CFAP52: variants seen among roughly 807,000 people sequenced by gnomAD.
The protein encoded by CFAP52 is cilia and flagella associated protein 52.
A neutral mutation model predicts 70.5 loss-of-function variants in CFAP52; 57 were observed. That is an observed-to-expected ratio of 0.81 (90% CI 0.65 to 1.01). The LOEUF (loss-of-function observed/expected upper bound fraction) is 1.01. Among genes scored for constraint, CFAP52 ranks in the 50% least tolerant of loss-of-function variants. The pLI is 0.00. For synonymous variants in CFAP52, 267 were observed against 292.5 expected, an observed-to-expected ratio of 0.91 and a Z score of 0.89; for missense variants, 785 against 788.5, an observed-to-expected ratio of 1.00 and a Z score of 0.05.
Position 9,594,214 on chromosome 17 carries a change from C to T in CFAP52, c.429C>T (p.Ala143=), listed in dbSNP as rs755039224. The T allele has an allele frequency of 8.1e-6, 13 of 1,613,256 alleles. No individual in the cohort carries two copies. In the South Asian group the frequency reaches 1.3e-4, roughly 16 times the overall value. ...DDGSVVVWSI[A]KRDAICGSPA... Reference sequence around the variant, plus strand: ...GCAGTGTGGTGGTGTGGAGCATAGCCAAGAGAGATGCCATCTGTGGCAGCC... The same window carrying T: ...GCAGTGTGGTGGTGTGGAGCATAGCTAAGAGAGATGCCATCTGTGGCAGCC... The change falls in exon 4 of 14, where the codon GCC becomes GCT. Residue 143 remains alanine (A), a synonymous_variant. Coordinates refer to ENST00000352665, the MANE Select transcript of CFAP52 (RefSeq NM_145054.5).
At chr17:9,645,349 A>C (rs1911281465), downstream of CFAP52, 1 of 235,600 alleles carries the variant, frequency 4.2e-6, no homozygotes, top group Non-Finnish European at 8.1e-6. This position sits in a 1 kb window ranked among gnomAD's most constrained non-coding sequence, Gnocchi z 6.8. Flanking sequence ...CGAGGTAAGG[A>C]AGGGTGGGGA....
intron 4 of CFAP52, among the ~76,000 whole-genome samples, chr17:9,597,340 A>G (rs905259078): frequency 2.0e-5 from 3 of 152,188 alleles, no homozygotes; most frequent in Middle Eastern, 3.2e-3. Context: ...AATATATTGT[A>G]TACTTGAAAA....
intron 1 of CFAP52, among the ~76,000 whole-genome samples, chr17:9,581,941 G>A (rs1339135354): frequency 1.3e-5 from 2 of 152,132 alleles, no homozygotes; most frequent in Admixed American, 6.5e-5. Context: ...ACTTGGTCTC[G>A]CCTTGCTATT....
chr17:9,635,781 C>CAG (rs1910748576), intron 11 of CFAP52, among the ~76,000 whole-genome samples: 1 of 152,132 alleles, frequency 6.6e-6, no homozygotes, highest in East Asian at 1.9e-4. Flanking sequence ...AGTTTCTGGG[C>CAG]AGATAGGGAA....
At chr17:9,644,849 CCTCT>C (rs1336692713), downstream of CFAP52, 1 of 152,168 alleles carries the variant, frequency 6.6e-6, no homozygotes, top group Non-Finnish European at 1.5e-5. Context: ...GTTGCGATAA[CCTCT>C]CTGAGCCCCC....
chr17:9,609,931 G>A (rs1360652140), intron 7 of CFAP52, among the ~76,000 whole-genome samples: 1 of 152,066 alleles, frequency 6.6e-6, no homozygotes, highest in Non-Finnish European at 1.5e-5. Context: ...TTCATCAGGA[G>A]CCTGGTGCCT....
intron 8 of CFAP52, among the ~76,000 whole-genome samples, chr17:9,623,241 T>C (rs1910115044): frequency 6.6e-6 from 1 of 152,238 alleles, no homozygotes; most frequent in Admixed American, 6.5e-5. Flanking sequence ...ATAATTTTAA[T>C]GTACTCATTA....
chr17:9,579,812 C>G (rs1214114871), intron 1 of CFAP52, among the ~76,000 whole-genome samples: 1 of 152,234 alleles, frequency 6.6e-6, no homozygotes, highest in Non-Finnish European at 1.5e-5. Flanking sequence ...AGGTGATCCA[C>G]CCGCCTCGGC....
chr17:9,622,448 C>T (rs570750808), intron 8 of CFAP52, among the ~76,000 whole-genome samples: 2 of 151,744 alleles, frequency 1.3e-5, no homozygotes, highest in East Asian at 1.9e-4. Context: ...CCCAGCTACT[C>T]GGGAGGCTAA....
rs559102907 is a variant in CFAP52 at position 9,622,310 on chromosome 17, G to T, written c.1026-6362G>T. On this transcript the variant is annotated intron_variant, in intron 8 of 13. Transcript: ENST00000352665. Reference sequence around the variant, plus strand: ...TGCCTGTAATCACAGCACTTTGGGAGACTGAGGTGGGAGGATAATTAAAGC... The same window carrying T: ...TGCCTGTAATCACAGCACTTTGGGATACTGAGGTGGGAGGATAATTAAAGC... Among the ~76,000 whole-genome samples, 9 of 152,288 alleles carry T rather than the reference G, an allele frequency of 5.9e-5. 1 individual carries two copies. In the South Asian group the frequency reaches 1.9e-3, roughly 32 times the overall value.
At chr17:9,613,994 A>G (rs1001373393) in intron 8 of CFAP52, among the ~76,000 whole-genome samples, 5 of 151,212 alleles carry the variant, frequency 3.3e-5, no homozygotes, top group Admixed American at 1.3e-4. Flanking sequence ...CTTTTTTTTT[A>G]ATAAGCACTT....
chr17:9,632,751 G>A, intron 9 of CFAP52, 137 bp from the exon 10 acceptor site: 1 of 1,292,322 alleles, frequency 7.7e-7, no homozygotes, highest in Admixed American at 2.7e-5. Flanking sequence ...ATGGTGACCA[G>A]CATTCAGCTG....
At chr17:9,644,130 GAATTTAGCTCTTGTCGC>G (rs532157343), downstream of CFAP52, among the ~76,000 whole-genome samples, 677 of 152,300 alleles carry the variant, frequency 4.4e-3, 2 homozygotes, top group Non-Finnish European at 8.3e-3. Context: ...TTTTGAGACG[GAATTTAGCTCTTGTCGC>G]AATTTAGCTC....
intron 3 of CFAP52, among the ~76,000 whole-genome samples, chr17:9,591,073 T>C (rs755307): frequency 0.58 from 81,045 of 140,692 alleles, 26,892 homozygotes; most frequent in Non-Finnish European, 0.75. Context: ...GTTTCACTCT[T>C]GTTTCCCAGG....
chr17:9,632,959 C>G lies in CFAP52; in HGVS notation c.1246C>G (p.His416Asp). Residue 416 changes from histidine (H) to aspartate (D), a missense_variant, in exon 10 of 14, where the codon CAC becomes GAC. By Grantham distance (81) the His-to-Asp change is moderately conservative. Coordinates refer to ENST00000352665, the MANE Select transcript of CFAP52 (RefSeq NM_145054.5). ...GRLMYVINNA[H>D]RIGVTAIATT... ...ACTGATGTATGTCATTAACAATGCT[C>G]ACAGGATCGGCGTCACCGCCATCGC... 6.2e-7 allele frequency: 1 copy of G among 1,614,216 alleles called. No homozygotes were observed. The highest frequency in any genetic ancestry group is 8.5e-7 in the Non-Finnish European group (1 of 1,180,036).
At chr17:9,587,201 A>G (rs1481942005) in intron 3 of CFAP52, among the ~76,000 whole-genome samples, 1 of 152,146 alleles carries the variant, frequency 6.6e-6, no homozygotes. Flanking sequence ...TCATGATCTC[A>G]TTCTTTTTTA....
At position 9,584,409 on chromosome 17, in the gene CFAP52, T is replaced by C. The variant is rs1326729512; in HGVS notation, c.71-1364T>C. Reference sequence around the variant, plus strand: ...AACTGAAACCGAAAGTTAAAAAAATTATTTTCCTGGTTATATTGAGGCATA... The same window carrying C: ...AACTGAAACCGAAAGTTAAAAAAATCATTTTCCTGGTTATATTGAGGCATA... On this transcript the variant is annotated intron_variant, in intron 1 of 13. Transcript: ENST00000352665. 8 of 1,262,118 alleles carry C rather than the reference T, an allele frequency of 6.3e-6. No homozygotes were observed. The Middle Eastern group carries it at 6.6e-4, about 104-fold the overall frequency. 78.2% of individuals were successfully genotyped at this position (1,262,118 alleles called of 1,614,324 possible).
chr17:9,595,617 A>T (rs1218277333), intron 4 of CFAP52, among the ~76,000 whole-genome samples: 3 of 152,058 alleles, frequency 2.0e-5, no homozygotes, highest in African/African-American at 7.3e-5. Context: ...CATGAGCAAC[A>T]TTTCTTCAGG....
chr17:9,599,403 A>T (rs1274612378), intron 5 of CFAP52, among the ~76,000 whole-genome samples: 1 of 152,206 alleles, frequency 6.6e-6, no homozygotes, highest in Non-Finnish European at 1.5e-5. Flanking sequence ...AGATAAAGCA[A>T]ATGTACATCC....
Sources: gnomAD v4.1 joint callset for allele counts (sites outside exome capture counted in the v4.1 genomes callset) on GRCh38, gnomAD v4.1.1 for gene constraint, Gnocchi (gnomAD v3.1) non-coding constraint, MANE v1.5 for transcripts, NCBI Gene and HGNC (gene_info 2026-07-23, HGNC 2026-07-21) for gene names.